Variants in KIAA1671 observed in about 807,000 individuals in gnomAD.
The protein encoded by KIAA1671 is KIAA1671.
A neutral mutation model predicts 131.2 loss-of-function variants in KIAA1671; 52 were observed. The ratio of observed to expected loss-of-function variants is 0.40; its 90% CI spans 0.32 to 0.50. The LOEUF is 0.50. Ranked by LOEUF, KIAA1671 falls within the 20% of genes least tolerant of loss-of-function variation. The pLI is 0.73. For synonymous variants in KIAA1671, 1,003 were observed against 961.6 expected (o/e 1.04, Z -0.80); for missense variants, 2,360 against 2,364.2 (o/e 1.00, Z 0.04).
chr22:25,189,126 C>CTTTTTTTTTTTTTTTTTT (rs200226589), intron 11 of KIAA1671, among the ~76,000 whole-genome samples: 39 of 114,852 alleles, frequency 3.4e-4, no homozygotes, highest in African/African-American at 6.0e-4. Context: ...CAGTCTTTTT[C>CTTTTTTTTTTTTTTTTTT]TTTTTTTTTT....
chr22:25,172,026 A>G (rs948707383), intron 7 of KIAA1671, among the ~76,000 whole-genome samples: 9 of 152,360 alleles, frequency 5.9e-5, no homozygotes, highest in Middle Eastern at 3.4e-3. Flanking sequence ...AAGAAAAAGT[A>G]AAAGGAAAGC....
Position 25,097,155 on chromosome 22 carries a change from A to G in KIAA1671, c.4530+47791A>G, listed in dbSNP as rs150679080. 7.6e-4 allele frequency among the ~76,000 whole-genome samples: 116 copies of G among 152,294 alleles called. 2 individuals carry two copies. In the East Asian group the frequency reaches 0.017, roughly 23 times the overall value. On this transcript the variant is annotated intron_variant, in intron 6 of 12. Transcript: ENST00000358431. ...CCTACAAGTGAGACGGCCTTATCAT[A>G]TGGTAAGTGTATGATAAACTTGTTA...
chr22:24,965,248 C>G (rs1395310597), intron 1 of KIAA1671, among the ~76,000 whole-genome samples: 1 of 149,658 alleles, frequency 6.7e-6, no homozygotes, highest in South Asian at 2.1e-4. Context: ...AACCCTGTCT[C>G]TACTAAAAAT....
At chr22:24,987,781 C>T (rs1476568946) in intron 1 of KIAA1671, among the ~76,000 whole-genome samples, 2 of 152,186 alleles carry the variant, frequency 1.3e-5, no homozygotes, top group East Asian at 1.9e-4. Context: ...CTGATAGACT[C>T]CTGCTAGATT....
intron 6 of KIAA1671, chr22:25,061,140 GT>G (rs1182944522): frequency 1.3e-5 from 2 of 152,088 alleles, no homozygotes; most frequent in African/African-American, 2.4e-5. Context: ...TTTTGTTTTT[GT>G]TTTATTTGTA....
rs768667507 is a variant in KIAA1671 at position 25,129,507 on chromosome 22, G to GAAAA, written c.4531-41302_4531-41299dup. On this transcript the variant is annotated intron_variant, in intron 6 of 12. Coordinates refer to ENST00000358431, the MANE Select transcript of KIAA1671 (RefSeq NM_001145206.2). ...GGGCAACAAGAGCAAGACTCCATCT[G>GAAAA]AAAAAAAAAAAAAACCCACAGATTC... Among the ~76,000 whole-genome samples, 15 of 130,892 alleles carry GAAAA rather than the reference G, an allele frequency of 1.1e-4. No homozygotes were observed. The East Asian group carries it at 3.0e-3, about 26-fold the overall frequency. 85.9% of individuals were successfully genotyped at this position (130,892 alleles called of 152,430 possible). A position where few individuals can be genotyped will look rare whatever the true frequency, so the allele number is the denominator to read the frequency against.
Position 25,028,647 on chromosome 22 carries a change from T to A in KIAA1671, c.648T>A (p.His216Gln), listed in dbSNP as rs992342856. Residue 216 changes from histidine to glutamine, a missense_variant, in exon 3 of 13, where the codon CAT becomes CAA. Physicochemically the swap from His to Gln is conservative, Grantham distance 24. This residue lies in a region of KIAA1671 where 1,185 missense variants were observed against 1,126.2 expected (regional missense o/e 1.05). Transcript: ENST00000358431. ...PVPQEEAGQD[H>Q]PPSKASSVED... ...CCCAAGAGGAGGCAGGCCAAGACCATCCTCCCTCAAAGGCCAGCAGTGTGG... is the reference window on the plus strand; with the variant it reads ...CCCAAGAGGAGGCAGGCCAAGACCAACCTCCCTCAAAGGCCAGCAGTGTGG... The A allele has an allele frequency of 2.7e-6, 4 of 1,502,088 alleles. No individual in the cohort carries two copies. The African/African-American group carries it at 4.3e-5, about 16-fold the overall frequency. 93.0% of individuals were successfully genotyped at this position (1,502,088 alleles called of 1,614,324 possible).
chr22:25,000,962 C>T (rs942961822), intron 1 of KIAA1671, among the ~76,000 whole-genome samples: 2 of 151,768 alleles, frequency 1.3e-5, no homozygotes, highest in South Asian at 2.1e-4. Context: ...TGTGTTTTCC[C>T]GATGACCAGT....
intron 6 of KIAA1671, among the ~76,000 whole-genome samples, chr22:25,152,392 T>C (rs1361825555): frequency 6.6e-6 from 1 of 152,086 alleles, no homozygotes; most frequent in East Asian, 1.9e-4. Flanking sequence ...ATTAAATCAC[T>C]CCCATGTCAG....
intron 1 of KIAA1671, among the ~76,000 whole-genome samples, chr22:25,020,205 T>G (rs1925587568): frequency 6.6e-6 from 1 of 152,162 alleles, no homozygotes; most frequent in Non-Finnish European, 1.5e-5. Context: ...TGGCTGTTTC[T>G]GGACCATATT....
intron 6 of KIAA1671, among the ~76,000 whole-genome samples, chr22:25,066,986 T>C (rs1321650367): frequency 2.0e-5 from 3 of 152,118 alleles, no homozygotes; most frequent in Admixed American, 6.5e-5. Flanking sequence ...GAGGACACTG[T>C]TCCACTTCGT....
intron 7 of KIAA1671, among the ~76,000 whole-genome samples, chr22:25,172,857 GC>G (rs892571503): frequency 2.0e-5 from 3 of 152,196 alleles, no homozygotes; most frequent in Non-Finnish European, 4.4e-5. Context: ...CAGTCCTGTT[GC>G]TGGGGACAAG....
intron 6 of KIAA1671, among the ~76,000 whole-genome samples, chr22:25,100,981 C>T (rs1471574968): frequency 6.6e-6 from 1 of 152,220 alleles, no homozygotes. Flanking sequence ...AGCAAACTCA[C>T]TGGTCAGAAA....
intron 1 of KIAA1671, among the ~76,000 whole-genome samples, chr22:25,019,685 A>G (rs1431948610): frequency 1.5e-3 from 53 of 36,270 alleles, no homozygotes; most frequent in African/African-American, 0.01. Context: ...CCTTGAATAC[A>G]AAAAAAAAAA....
At chr22:25,109,440 C>T (rs538525347) in intron 6 of KIAA1671, among the ~76,000 whole-genome samples, 4 of 152,022 alleles carry the variant, frequency 2.6e-5, no homozygotes, top group Admixed American at 6.6e-5. Flanking sequence ...CGTGAGCCAC[C>T]GCGCCCGGCC....
intron 1 of KIAA1671, among the ~76,000 whole-genome samples, chr22:25,019,055 T>TGC (rs1218424592): frequency 6.5e-5 from 3 of 45,876 alleles, no homozygotes; most frequent in African/African-American, 1.3e-4. Flanking sequence ...TTGTTTTGTG[T>TGC]GTGTGTGTGT....
rs534055599 is a variant in KIAA1671, at chr22:24,980,528, C to T, written c.-208+27756C>T. Among the ~76,000 whole-genome samples the T allele has an allele frequency of 2.9e-4, 44 of 152,062 alleles. No individual in the cohort carries two copies. In the South Asian group the frequency reaches 8.9e-3, roughly 31 times the overall value. The stretch of plus-strand genomic sequence containing the variant: ...CTCCTGATCCACCCGCCTTGGCCTC[C>T]CATAGTGCTAGGATTACAGGCATGA... On this transcript the variant is annotated intron_variant, in intron 1 of 12. Coordinates refer to ENST00000358431, the MANE Select transcript of KIAA1671 (RefSeq NM_001145206.2).
At chr22:25,074,342 T>C (rs1482495574) in intron 6 of KIAA1671, among the ~76,000 whole-genome samples, 1 of 151,002 alleles carries the variant, frequency 6.6e-6, no homozygotes, top group Non-Finnish European at 1.5e-5. Context: ...ACATCTACAC[T>C]AAAAATACAA....
At chr22:25,041,745 GTTTA>G (rs1157108176) in intron 5 of KIAA1671, among the ~76,000 whole-genome samples, 1 of 148,112 alleles carries the variant, frequency 6.8e-6, no homozygotes, top group African/African-American at 2.5e-5. Context: ...TTCTTTGTTT[GTTTA>G]TTTGTTTGTT....
Sources: gnomAD v4.1 joint callset for allele counts (sites outside exome capture counted in the v4.1 genomes callset) on GRCh38, gnomAD v4.1.1 for gene constraint, gnomAD v4.1.1 regional missense constraint, MANE v1.5 for transcripts, NCBI Gene and HGNC (gene_info 2026-07-23, HGNC 2026-07-21) for gene names.